RGS8: variants seen among roughly 807,000 people sequenced by gnomAD.
RGS8 encodes regulator of G protein signaling 8.
A neutral mutation model predicts 21.7 loss-of-function variants in RGS8; 8 were observed. The ratio of observed to expected loss-of-function variants is 0.37; its 90% CI spans 0.22 to 0.66. RGS8 has a LOEUF of 0.66. Ranked by LOEUF, RGS8 falls within the 30% of genes least tolerant of loss-of-function variation. The pLI, the probability that RGS8 is intolerant of heterozygous loss-of-function variation, is 0.59. For missense variants in RGS8, 157 were observed against 217.9 expected, an observed-to-expected ratio of 0.72 and a Z score of 1.76; for synonymous variants, 80 against 83.6, an observed-to-expected ratio of 0.96 and a Z score of 0.24.
At position 182,667,078 on chromosome 1, in the gene RGS8, C is replaced by T. The variant is rs1557894882; in HGVS notation, c.27-105G>A. 40 of 849,634 alleles carry T rather than the reference C, an allele frequency of 4.7e-5. No individual in the cohort carries two copies. The South Asian group carries it at 5.5e-4, about 12-fold the overall frequency. 52.6% of individuals were successfully genotyped at this position (849,634 alleles called of 1,614,324 possible). A position where few individuals can be genotyped will look rare whatever the true frequency, so the allele number is the denominator to read the frequency against. On this transcript the variant is annotated intron_variant, in intron 3 of 6. Transcript: ENST00000483095. ...GCTGCTACGGGAGCCAGCACTGCCC[C>T]CACCCTTCCCCAGGTGGTCTCTGAA... is the stretch of plus-strand genomic sequence containing the variant.
At chr1:182,710,082 T>A in the RGS8 span, among the ~76,000 whole-genome samples, 5 of 152,174 alleles carry the variant, frequency 3.3e-5, no homozygotes, top group Non-Finnish European at 5.9e-5. Context: ...CCATCCTTTT[T>A]ACCAGCGAAG....
chr1:182,650,711 A>G (rs985767523), intron 5 of RGS8, among the ~76,000 whole-genome samples: 10 of 152,222 alleles, frequency 6.6e-5, no homozygotes, highest in African/African-American at 2.4e-4. Flanking sequence ...AAATACAAAA[A>G]TTAGCCAGCT....
At chr1:182,691,607 TAAAAAAAAAAAAAAA>T in the RGS8 span, among the ~76,000 whole-genome samples, 1 of 27,226 alleles carries the variant, frequency 3.7e-5, no homozygotes, top group Non-Finnish European at 6.5e-5. Flanking sequence ...CCCTTCATGT[TAAAAAAAAAAAAAAA>T]AAAAAAAAAA....
At chr1:182,740,949 T>C in the RGS8 span, among the ~76,000 whole-genome samples, 1 of 152,086 alleles carries the variant, frequency 6.6e-6, no homozygotes, top group Non-Finnish European at 1.5e-5. Context: ...CTCCCATGTC[T>C]ACCTCTTTCT....
chr1:182,695,912 G>A, the RGS8 span, among the ~76,000 whole-genome samples: 7 of 152,170 alleles, frequency 4.6e-5, no homozygotes, highest in African/African-American at 9.6e-5. Context: ...CCACAGAATC[G>A]TGCACCTACA....
chr1:182,743,181 A>T, the RGS8 span, among the ~76,000 whole-genome samples: 1 of 152,196 alleles, frequency 6.6e-6, no homozygotes, highest in African/African-American at 2.4e-5. Flanking sequence ...TGGAATGAGA[A>T]GACCTGAACT....
chr1:182,709,356 GCT>G, the RGS8 span, among the ~76,000 whole-genome samples: 8 of 151,820 alleles, frequency 5.3e-5, no homozygotes, highest in African/African-American at 1.9e-4. Flanking sequence ...ATTCTCTCTT[GCT>G]CTCTCTCTCA....
At chr1:182,696,360 T>A in the RGS8 span, among the ~76,000 whole-genome samples, 1 of 152,290 alleles carries the variant, frequency 6.6e-6, no homozygotes, top group Non-Finnish European at 1.5e-5. Context: ...TCTGGCTCAA[T>A]AACTGCTCAG....
At chr1:182,741,293 G>A in the RGS8 span, among the ~76,000 whole-genome samples, 3 of 63,500 alleles carry the variant, frequency 4.7e-5, no homozygotes, top group Middle Eastern at 8.2e-3. Flanking sequence ...CGGACGGGGC[G>A]GCTGGCCGGG....
chr1:182,738,889 T>C, the RGS8 span, among the ~76,000 whole-genome samples: 2 of 152,172 alleles, frequency 1.3e-5, no homozygotes, highest in African/African-American at 4.8e-5. Context: ...TTCAGAAACA[T>C]CTTGCAGGGC....
chr1:182,700,171 G>A, the RGS8 span, among the ~76,000 whole-genome samples: 29 of 152,194 alleles, frequency 1.9e-4, no homozygotes, highest in Middle Eastern at 3.2e-3. Context: ...GAGGGGGAGG[G>A]GGATCCCTCG....
At chr1:182,736,275 C>T in the RGS8 span, among the ~76,000 whole-genome samples, 5 of 152,144 alleles carry the variant, frequency 3.3e-5, no homozygotes, top group Admixed American at 6.5e-5. Context: ...AGGAACTGTC[C>T]CCAAAAAGCA....
At chr1:182,751,450 C>T in the RGS8 span, among the ~76,000 whole-genome samples, 1 of 152,146 alleles carries the variant, frequency 6.6e-6, no homozygotes, top group East Asian at 1.9e-4. Flanking sequence ...CAGACACAGT[C>T]CCTGCACGCG....
At chr1:182,666,826 G>T in intron 4 of RGS8, 46 bp downstream of exon 5, 2 of 1,403,198 alleles carry the variant, frequency 1.4e-6, no homozygotes, top group South Asian at 1.2e-5. Flanking sequence ...TGAGCTATAT[G>T]ACTTGCTGTA....
chr1:182,721,795 G>T, the RGS8 span, among the ~76,000 whole-genome samples: 1 of 152,206 alleles, frequency 6.6e-6, no homozygotes, highest in African/African-American at 2.4e-5. Flanking sequence ...AGCACTGGAA[G>T]CATGTGTGTA....
At chr1:182,653,335 G>A (rs1663109569) in intron 5 of RGS8, among the ~76,000 whole-genome samples, 1 of 151,928 alleles carries the variant, frequency 6.6e-6, no homozygotes, top group African/African-American at 2.4e-5. Context: ...AAAAAGTAGA[G>A]AAATAAGACA....
chr1:182,695,830 A>G, the RGS8 span, among the ~76,000 whole-genome samples: 2 of 152,194 alleles, frequency 1.3e-5, no homozygotes, highest in Non-Finnish European at 2.9e-5. Flanking sequence ...CTTAATGTAC[A>G]TGTGCATATG....
the RGS8 span, among the ~76,000 whole-genome samples, chr1:182,743,170 T>G: frequency 6.6e-5 from 10 of 152,196 alleles, no homozygotes; most frequent in African/African-American, 2.2e-4. Context: ...AGCATGGGAT[T>G]TGGAATGAGA....
rs761496925 is a variant in RGS8, at chr1:182,666,038, A to G, written c.129-5T>C. 6.2e-7 allele frequency: 1 copy of G among 1,611,286 alleles called. No individual in the cohort carries two copies. Among genetic ancestry groups the G allele is most frequent in the Non-Finnish European group, 8.5e-7 (1 of 1,178,274 alleles). On this transcript the variant is annotated splice_region_variant and splice_polypyrimidine_tract_variant and intron_variant, in intron 4 of 6. Transcript: ENST00000483095. ...GCTTCTTCTGTCGATAATCTCCTAG[A>G]AAAAAAGAAACATCTGTCTTGAATG...
Sources: gnomAD v4.1 joint callset for allele counts (sites outside exome capture counted in the v4.1 genomes callset) on GRCh38, gnomAD v4.1.1 for gene constraint, MANE v1.5 for transcripts, NCBI Gene and HGNC (gene_info 2026-07-23, HGNC 2026-07-21) for gene names.